Variants in PRUNE2 observed in about 807,000 individuals in gnomAD.
The protein encoded by PRUNE2 is protein prune homolog 2.
In PRUNE2, 164 loss-of-function variants were observed where a neutral mutation model predicts 252.0. The ratio of observed to expected loss-of-function variants is 0.65; its 90% CI spans 0.57 to 0.74. PRUNE2 has a LOEUF of 0.74. PRUNE2 is among the 30% of genes least tolerant of loss of function. The pLI, the probability that PRUNE2 is intolerant of heterozygous loss-of-function variation, is 0.00. For missense variants in PRUNE2, 3,495 were observed against 3,711.0 expected (o/e 0.94, Z 1.51); for synonymous variants, 1,292 against 1,350.2 (o/e 0.96, Z 0.94).
intron 1 of PRUNE2, chr9:76,863,036 A>G (rs1401441054): frequency 6.6e-6 from 1 of 152,240 alleles, no homozygotes; most frequent in Non-Finnish European, 1.5e-5. Flanking sequence ...TAACAGATAT[A>G]GTATTTCTTA....
At chr9:76,843,725 CTTTTTT>C (rs71501394) in intron 4 of PRUNE2, among the ~76,000 whole-genome samples, 2 of 128,166 alleles carry the variant, frequency 1.6e-5, no homozygotes, top group South Asian at 2.5e-4. Flanking sequence ...CTTGATTCCT[CTTTTTT>C]TTTTTTTTTT....
chr9:76,794,144 A>T lies in PRUNE2; in HGVS notation c.756+29488T>A, dbSNP rs563757869. ...ACTACTGAGAATTTTACCTACACTA[A>T]ATCTTAAAAACAATCCTATGAACTA... is the stretch of plus-strand genomic sequence containing the variant. On this transcript the variant is annotated intron_variant, in intron 6 of 18. Coordinates refer to ENST00000376718, the MANE Select transcript of PRUNE2 (RefSeq NM_015225.3). Among the ~76,000 whole-genome samples the T allele has an allele frequency of 3.3e-5, 5 of 152,308 alleles. No individual in the cohort carries two copies. The South Asian group carries it at 1.0e-3, about 32-fold the overall frequency.
intron 6 of PRUNE2, chr9:76,737,757 C>T (rs2049206811): frequency 6.6e-6 from 1 of 152,214 alleles, no homozygotes; most frequent in Non-Finnish European, 1.5e-5. Context: ...TGTCTCTTGG[C>T]TCAGCAGTAC....
At chr9:76,775,001 A>G (rs557047588) in intron 6 of PRUNE2, among the ~76,000 whole-genome samples, 1 of 152,342 alleles carries the variant, frequency 6.6e-6, no homozygotes, top group African/African-American at 2.4e-5. Flanking sequence ...AATAATTTAC[A>G]TAAAGTTCTG....
intron 1 of PRUNE2, chr9:76,868,838 G>T (rs1377304507): frequency 1.0e-4 from 2 of 19,354 alleles, no homozygotes; most frequent in African/African-American, 3.3e-4. Flanking sequence ...CTTGGGGGGT[G>T]GGGGGGGGGG....
chr9:76,852,335 GA>G (rs1353804343), intron 2 of PRUNE2, among the ~76,000 whole-genome samples: 43 of 152,364 alleles, frequency 2.8e-4, no homozygotes, highest in African/African-American at 9.6e-4. Flanking sequence ...ATTGAAACTT[GA>G]GTGGGGAAGA....
At chr9:76,830,657 CAAAAAAAGAAAAAA>C (rs986619629) in intron 4 of PRUNE2, among the ~76,000 whole-genome samples, 10 of 113,368 alleles carry the variant, frequency 8.8e-5, no homozygotes, top group Admixed American at 3.6e-4. Flanking sequence ...GTCTCAAAAA[CAAAAAAAGAAAAAA>C]AAAAAAAGAA....
At chr9:76,682,192 C>T (rs1588550262) in intron 9 of PRUNE2, among the ~76,000 whole-genome samples, 1 of 151,768 alleles carries the variant, frequency 6.6e-6, no homozygotes, top group East Asian at 1.9e-4. Context: ...GCTTTATTTT[C>T]TCAGAGATAT....
chr9:76,655,610 A>G, intron 9 of PRUNE2, 108 bp from the exon 10 acceptor site: 1 of 817,238 alleles, frequency 1.2e-6, no homozygotes, highest in South Asian at 1.5e-5. Context: ...CTCACTTAAA[A>G]TAAACCATGT....
intron 9 of PRUNE2, among the ~76,000 whole-genome samples, chr9:76,660,208 C>T (rs1850747955): frequency 6.6e-6 from 1 of 152,100 alleles, no homozygotes; most frequent in Non-Finnish European, 1.5e-5. Context: ...GCATAAGGGA[C>T]CTCCTGGTGA....
chr9:76,736,362 C>T (rs913471288), intron 6 of PRUNE2: 7 of 152,220 alleles, frequency 4.6e-5, no homozygotes, highest in African/African-American at 1.7e-4. Context: ...GAGGAAGTTC[C>T]AGTGTAAACC....
rs555557936 is a variant in PRUNE2 at position 76,681,722 on chromosome 9, G to A, written c.8276+21615C>T. On this transcript the variant is annotated intron_variant, in intron 9 of 18. Transcript: ENST00000376718. ...ACCACCAGAAAGGTGCTCTTCAACCGCTCCCACAAGGAGCTATATCCTATC... is the reference window on the plus strand; with the variant it reads ...ACCACCAGAAAGGTGCTCTTCAACCACTCCCACAAGGAGCTATATCCTATC... 9.9e-5 allele frequency among the ~76,000 whole-genome samples: 15 copies of A among 152,118 alleles called. No homozygotes were observed. The East Asian group carries it at 1.2e-3, about 12-fold the overall frequency.
At chr9:76,669,933 C>T (rs1267542013) in intron 9 of PRUNE2, among the ~76,000 whole-genome samples, 1 of 152,194 alleles carries the variant, frequency 6.6e-6, no homozygotes, top group East Asian at 1.9e-4. Context: ...ACCCCAACTG[C>T]CAAGAGCTTC....
Position 76,724,782 on chromosome 9 carries a change from A to G in PRUNE2, c.757-11061T>C, listed in dbSNP as rs891181667. Among the ~76,000 whole-genome samples, 9 of 152,340 alleles carry G rather than the reference A, an allele frequency of 5.9e-5. No homozygotes were observed. The South Asian group carries it at 6.2e-4, about 11-fold the overall frequency. The stretch of plus-strand genomic sequence containing the variant: ...TTTCTTTAAGGACAGACCCATAATC[A>G]GGAAAACTTTCCTCTATTGGATGGA... On this transcript the variant is annotated intron_variant, in intron 6 of 18. Coordinates refer to ENST00000376718, the MANE Select transcript of PRUNE2 (RefSeq NM_015225.3).
intron 1 of PRUNE2, among the ~76,000 whole-genome samples, chr9:76,901,502 T>C (rs1418280484): frequency 6.6e-6 from 1 of 152,194 alleles, no homozygotes; most frequent in African/African-American, 2.4e-5. Flanking sequence ...GCATTCACTT[T>C]AAATATCCTT....
At position 76,653,973 on chromosome 9, in the gene PRUNE2, T is replaced by TA. The variant is rs1848360364; in HGVS notation, c.8357-1291dup. Among the ~76,000 whole-genome samples, 4 of 152,174 alleles carry TA rather than the reference T, an allele frequency of 2.6e-5. No homozygotes were observed. In the South Asian group the frequency reaches 8.3e-4, roughly 31 times the overall value. On this transcript the variant is annotated intron_variant, in intron 10 of 18. Coordinates refer to ENST00000376718, the MANE Select transcript of PRUNE2 (RefSeq NM_015225.3). ...AAGGTAGAGACATACCCTACTGTAG[T>TA]ATAATAAGAAATGTATTTGGTCTTT...
chr9:76,854,864 A>T (rs1474064752), intron 1 of PRUNE2, among the ~76,000 whole-genome samples: 2 of 151,906 alleles, frequency 1.3e-5, no homozygotes, highest in Non-Finnish European at 1.5e-5. Context: ...GGAGATCGAG[A>T]TCATCTTGGC....
At chr9:76,810,957 A>G (rs1315189524) in intron 6 of PRUNE2, among the ~76,000 whole-genome samples, 1 of 152,184 alleles carries the variant, frequency 6.6e-6, no homozygotes, top group East Asian at 1.9e-4. Flanking sequence ...AAAATATTGC[A>G]TATGATTCTC....
chr9:76,756,512 C>T (rs1225016659), intron 6 of PRUNE2, among the ~76,000 whole-genome samples: 1 of 152,234 alleles, frequency 6.6e-6, no homozygotes, highest in African/African-American at 2.4e-5. Flanking sequence ...GGCTTTCCAT[C>T]CTAACATTTG....
Sources: gnomAD v4.1 joint callset for allele counts (sites outside exome capture counted in the v4.1 genomes callset) on GRCh38, gnomAD v4.1.1 for gene constraint, MANE v1.5 for transcripts, NCBI Gene and HGNC (gene_info 2026-07-23, HGNC 2026-07-21) for gene names.